The following EPHA6 variants were observed in gnomAD, a reference collection of about 807,000 sequenced individuals.
The protein encoded by EPHA6 is EPH receptor A6, also known as ephrin type-A receptor 6.
Under a neutral mutation model 112.0 loss-of-function variants are expected in EPHA6, and 50 were observed. The ratio of observed to expected loss-of-function variants is 0.45; its 90% CI spans 0.36 to 0.56. EPHA6 has a LOEUF of 0.56. Among genes scored for constraint, EPHA6 ranks in the 20% least tolerant of loss-of-function variants. The probability of loss-of-function intolerance (pLI) is 0.00; values close to 1 mark genes in which losing one functional copy is unlikely to be tolerated. For missense variants in EPHA6, 1,280 were observed against 1,417.4 expected (o/e 0.90, Z 1.56); for synonymous variants, 529 against 490.7 (o/e 1.08, Z -1.03).
At chr3:96,832,407 G>A (rs573444001) in intron 1 of EPHA6, among the ~76,000 whole-genome samples, 3 of 152,110 alleles carry the variant, frequency 2.0e-5, no homozygotes, top group Admixed American at 1.3e-4. Context: ...TTTTCCCCAA[G>A]TGTAATTTGT....
At chr3:96,873,444 C>G (rs906248411) in intron 2 of EPHA6, among the ~76,000 whole-genome samples, 4 of 152,010 alleles carry the variant, frequency 2.6e-5, no homozygotes, top group African/African-American at 7.2e-5. Context: ...CAAAATAATA[C>G]GTTTTCAACT....
intron 2 of EPHA6, among the ~76,000 whole-genome samples, chr3:96,945,183 G>A (rs922398865): frequency 4.6e-5 from 7 of 152,132 alleles, no homozygotes; most frequent in East Asian, 1.9e-4. Flanking sequence ...TATTGCAACC[G>A]GTCTGGTCCA....
intron 13 of EPHA6, among the ~76,000 whole-genome samples, chr3:97,611,658 A>C (rs2093721249): frequency 6.6e-6 from 1 of 151,876 alleles, no homozygotes; most frequent in Non-Finnish European, 1.5e-5. Context: ...CTGTATTTTT[A>C]ATATCTATCT....
chr3:97,489,136 T>A (rs1168810405), intron 10 of EPHA6, among the ~76,000 whole-genome samples: 2 of 152,212 alleles, frequency 1.3e-5, no homozygotes, highest in East Asian at 3.9e-4. Context: ...TAGAAATGAC[T>A]ATTAGATTAA....
At chr3:97,321,695 A>G (rs1323355973) in intron 5 of EPHA6, among the ~76,000 whole-genome samples, 5 of 151,996 alleles carry the variant, frequency 3.3e-5, no homozygotes, top group African/African-American at 1.2e-4. Context: ...AAAAAAATAA[A>G]CCAGGGACTT....
chr3:97,743,082 T>C (rs1381578262), intron 16 of EPHA6, among the ~76,000 whole-genome samples: 1 of 152,082 alleles, frequency 6.6e-6, no homozygotes, highest in Admixed American at 6.6e-5. Flanking sequence ...CTGAAACCTA[T>C]AAAGACAGAA....
chr3:97,277,260 T>G (rs999928290), intron 5 of EPHA6, among the ~76,000 whole-genome samples: 1 of 151,894 alleles, frequency 6.6e-6, no homozygotes, highest in South Asian at 2.1e-4. Flanking sequence ...TGGGGCCATT[T>G]TATAAGATTT....
At chr3:97,219,020 C>G (rs1016839139) in intron 3 of EPHA6, among the ~76,000 whole-genome samples, 9 of 152,130 alleles carry the variant, frequency 5.9e-5, no homozygotes, top group Admixed American at 1.3e-4. Flanking sequence ...GCAGAATGAT[C>G]TCCTTTGACT....
At chr3:97,259,465 T>C (rs939061666) in intron 5 of EPHA6, among the ~76,000 whole-genome samples, 2 of 152,240 alleles carry the variant, frequency 1.3e-5, no homozygotes, top group African/African-American at 2.4e-5. Flanking sequence ...CACTTAATTC[T>C]ATGATGCAAT....
At chr3:97,115,732 C>A (rs918844726) in intron 3 of EPHA6, among the ~76,000 whole-genome samples, 6 of 151,762 alleles carry the variant, frequency 4.0e-5, no homozygotes, top group African/African-American at 1.4e-4. Flanking sequence ...TAATTGCAAT[C>A]ATTGCATACA....
At chr3:97,031,209 T>A (rs1178137183) in intron 3 of EPHA6, among the ~76,000 whole-genome samples, 3 of 152,098 alleles carry the variant, frequency 2.0e-5, no homozygotes, top group Admixed American at 2.0e-4. Flanking sequence ...GATTCCCTAT[T>A]TAATAAATGG....
At chr3:97,217,175 G>C (rs905637389) in intron 3 of EPHA6, among the ~76,000 whole-genome samples, 1 of 152,104 alleles carries the variant, frequency 6.6e-6, no homozygotes, top group Non-Finnish European at 1.5e-5. Flanking sequence ...ACAGATCTGA[G>C]AGTTCAGGGA....
chr3:97,386,009 T>C (rs1305668314), intron 5 of EPHA6, among the ~76,000 whole-genome samples: 1 of 152,136 alleles, frequency 6.6e-6, no homozygotes, highest in African/African-American at 2.4e-5. Context: ...AATCACGTCA[T>C]TCCACCCTTG....
intron 7 of EPHA6, among the ~76,000 whole-genome samples, chr3:97,474,416 T>G (rs1226988700): frequency 6.6e-6 from 1 of 151,976 alleles, no homozygotes; most frequent in Non-Finnish European, 1.5e-5. Context: ...TTAACTCAAT[T>G]ATTACTACAA....
At chr3:97,452,407 T>C (rs549583295) in intron 7 of EPHA6, among the ~76,000 whole-genome samples, 11 of 151,938 alleles carry the variant, frequency 7.2e-5, no homozygotes, top group African/African-American at 2.6e-4. Flanking sequence ...TATTCACTCA[T>C]ATATAATCAG....
At chr3:96,982,940 A>G (rs1186187490) in intron 2 of EPHA6, among the ~76,000 whole-genome samples, 5 of 152,126 alleles carry the variant, frequency 3.3e-5, no homozygotes, top group South Asian at 4.2e-4. Context: ...TTTTGAGCCT[A>G]TGTGTGTCTC....
intron 5 of EPHA6, among the ~76,000 whole-genome samples, chr3:97,399,144 TACA>T (rs1406468114): frequency 2.0e-5 from 3 of 151,660 alleles, no homozygotes; most frequent in Admixed American, 1.3e-4. Context: ...TTCTATGCTG[TACA>T]ATAAGATCAA....
At chr3:97,226,505 C>A in intron 4 of EPHA6, 86 bp downstream of exon 4, 1 of 1,244,272 alleles carries the variant, frequency 8.0e-7, no homozygotes, top group Non-Finnish European at 1.1e-6. Context: ...AGTAAATGTA[C>A]AAAATCTTGC....
chr3:96,938,340 A>G (rs1172629960), intron 2 of EPHA6, among the ~76,000 whole-genome samples: 2 of 151,346 alleles, frequency 1.3e-5, no homozygotes, highest in African/African-American at 4.9e-5. Flanking sequence ...TGTAAGTTGG[A>G]TTCCTAGGTA....
Sources: gnomAD v4.1 joint callset for allele counts (sites outside exome capture counted in the v4.1 genomes callset) on GRCh38, gnomAD v4.1.1 for gene constraint, MANE v1.5 for transcripts, NCBI Gene and HGNC (gene_info 2026-07-23, HGNC 2026-07-21) for gene names.